The following TMEM117 variants were observed in gnomAD, a reference collection of about 807,000 sequenced individuals.
TMEM117 encodes the protein transmembrane protein 117.
Under a neutral mutation model 52.4 loss-of-function variants are expected in TMEM117, and 27 were observed. That is an observed-to-expected ratio of 0.51 (90% CI 0.38 to 0.71). The LOEUF is 0.71. Ranked by LOEUF, TMEM117 falls within the 30% of genes least tolerant of loss-of-function variation. The probability of loss-of-function intolerance (pLI) is 0.00; values close to 1 mark genes in which losing one functional copy is unlikely to be tolerated. For synonymous variants in TMEM117, 215 were observed against 206.3 expected (o/e 1.04, Z -0.36); for missense variants, 556 against 630.5 (o/e 0.88, Z 1.26).
intron 3 of TMEM117, among the ~76,000 whole-genome samples, chr12:44,100,689 T>C (rs1271084399): frequency 6.6e-6 from 1 of 152,066 alleles, no homozygotes; most frequent in Non-Finnish European, 1.5e-5. Flanking sequence ...ATCATCACCA[T>C]AAAATTTCTA....
At chr12:43,870,557 C>T (rs1485365097) in intron 2 of TMEM117, among the ~76,000 whole-genome samples, 1 of 151,910 alleles carries the variant, frequency 6.6e-6, no homozygotes, top group Non-Finnish European at 1.5e-5. Context: ...CTGTGCCCGG[C>T]CATGTGCATG....
chr12:44,152,712 CTATA>C (rs1948767342), intron 4 of TMEM117, among the ~76,000 whole-genome samples: 1 of 125,876 alleles, frequency 7.9e-6, no homozygotes, highest in South Asian at 2.4e-4. Flanking sequence ...TTTATATATA[CTATA>C]TATAATATAA....
intron 5 of TMEM117, among the ~76,000 whole-genome samples, chr12:44,265,022 G>T (rs904121865): frequency 1.4e-4 from 22 of 152,116 alleles, no homozygotes; most frequent in Admixed American, 4.6e-4. Context: ...ATAAAGAAAC[G>T]AATGAGAAAC....
chr12:43,813,231 G>GTTTTTTTTTTTT, the TMEM117 span, among the ~76,000 whole-genome samples: 122 of 62,668 alleles, frequency 1.9e-3, 7 homozygotes, highest in African/African-American at 2.5e-3. Flanking sequence ...GTTTTCTCTT[G>GTTTTTTTTTTTT]TTTTTTTTTT....
chr12:44,314,510 T>C (rs1951030134), intron 6 of TMEM117, among the ~76,000 whole-genome samples: 2 of 151,906 alleles, frequency 1.3e-5, no homozygotes, highest in Non-Finnish European at 2.9e-5. Flanking sequence ...TTTTTTTCTT[T>C]TTTTGAGGAT....
At chr12:44,081,708 G>A (rs1177001503) in intron 3 of TMEM117, among the ~76,000 whole-genome samples, 2 of 151,958 alleles carry the variant, frequency 1.3e-5, no homozygotes, top group Non-Finnish European at 2.9e-5. Context: ...ATTTATTTGA[G>A]ACTGAAGTAA....
chr12:43,801,891 G>A, the TMEM117 span, among the ~76,000 whole-genome samples: 8 of 152,148 alleles, frequency 5.3e-5, no homozygotes, highest in Non-Finnish European at 1.2e-4. Context: ...TTAGCTGGGC[G>A]TGGTGGCACA....
intron 3 of TMEM117, among the ~76,000 whole-genome samples, chr12:44,022,304 G>A (rs1303770493): frequency 6.6e-6 from 1 of 152,068 alleles, no homozygotes. Flanking sequence ...ACAATACAAA[G>A]GTGACAGAAA....
intron 5 of TMEM117, among the ~76,000 whole-genome samples, chr12:44,214,157 T>TC (rs1565599979): frequency 1.5e-5 from 2 of 137,396 alleles, no homozygotes. Flanking sequence ...TTTTTTTTTT[T>TC]TTTTTTTAAG....
chr12:43,932,266 A>G (rs557089856), intron 2 of TMEM117, among the ~76,000 whole-genome samples: 30 of 151,704 alleles, frequency 2.0e-4, no homozygotes, highest in Non-Finnish European at 4.0e-4. Flanking sequence ...TAATTTATAT[A>G]AAATAACTTA....
chr12:44,030,769 AT>A (rs1442469610), intron 3 of TMEM117, among the ~76,000 whole-genome samples: 4 of 152,236 alleles, frequency 2.6e-5, no homozygotes, highest in African/African-American at 9.6e-5. Context: ...TTCAGCATAA[AT>A]GAGTTAAGTT....
chr12:43,876,375 C>T (rs978375440), intron 2 of TMEM117, among the ~76,000 whole-genome samples: 14 of 152,168 alleles, frequency 9.2e-5, no homozygotes, highest in African/African-American at 1.9e-4. Context: ...CTGATATTGT[C>T]TTGTCATTTC....
intron 4 of TMEM117, among the ~76,000 whole-genome samples, chr12:44,178,193 T>C (rs1333012548): frequency 6.6e-6 from 1 of 152,188 alleles, no homozygotes; most frequent in Non-Finnish European, 1.5e-5. Flanking sequence ...TTTAGCCCAA[T>C]ATTACATTTG....
intron 1 of TMEM117, among the ~76,000 whole-genome samples, chr12:43,844,300 C>T (rs992332120): frequency 4.6e-5 from 7 of 152,196 alleles, no homozygotes; most frequent in Admixed American, 1.3e-4. Flanking sequence ...TCTGCATTTC[C>T]GCCTGGGAGG....
intron 3 of TMEM117, among the ~76,000 whole-genome samples, chr12:44,006,742 C>A (rs548216684): frequency 2.4e-4 from 36 of 152,188 alleles, no homozygotes; most frequent in South Asian, 6.2e-4. Flanking sequence ...GCTCCACTTT[C>A]ATTTTTTTTT....
chr12:43,807,265 G>A, the TMEM117 span, among the ~76,000 whole-genome samples: 1 of 152,150 alleles, frequency 6.6e-6, no homozygotes, highest in Non-Finnish European at 1.5e-5. Flanking sequence ...TAATATAAGT[G>A]CAAGTTAATC....
At chr12:44,005,048 A>G (rs1390471157) in intron 3 of TMEM117, among the ~76,000 whole-genome samples, 1 of 152,200 alleles carries the variant, frequency 6.6e-6, no homozygotes, top group Non-Finnish European at 1.5e-5. Context: ...AAAGTTCCAA[A>G]TGTTTAGGAA....
chr12:44,081,389 C>G (rs754224258), intron 3 of TMEM117, among the ~76,000 whole-genome samples: 16 of 152,106 alleles, frequency 1.1e-4, no homozygotes, highest in Admixed American at 6.5e-4. Context: ...TAATTAGATG[C>G]ATGGTGTTCC....
At chr12:44,331,060 G>A (rs757775145) in intron 6 of TMEM117, among the ~76,000 whole-genome samples, 7 of 151,914 alleles carry the variant, frequency 4.6e-5, no homozygotes, top group African/African-American at 7.3e-5. Context: ...TAAACAAAGT[G>A]TAGAATCACA....
Sources: gnomAD v4.1 joint callset for allele counts (sites outside exome capture counted in the v4.1 genomes callset) on GRCh38, gnomAD v4.1.1 for gene constraint, MANE v1.5 for transcripts, NCBI Gene and HGNC (gene_info 2026-07-23, HGNC 2026-07-21) for gene names.